The following MMP26 variants were observed in gnomAD, a reference collection of about 807,000 sequenced individuals.
The protein encoded by MMP26 is matrix metallopeptidase 26.
In MMP26, 33 loss-of-function variants were observed where a neutral mutation model predicts 31.0. The observed-to-expected ratio is 1.06, with a 90% CI of 0.81 to 1.42. MMP26 has a LOEUF of 1.42. Among genes scored for constraint, MMP26 ranks in the 40% most tolerant of loss-of-function variants. MMP26 has a pLI of 0.00. For missense variants in MMP26, 347 were observed against 316.1 expected, an observed-to-expected ratio of 1.10 and a Z score of -0.74; for synonymous variants, 122 against 114.9, an observed-to-expected ratio of 1.06 and a Z score of -0.40.
intron 2 of MMP26, among the ~76,000 whole-genome samples, chr11:4,803,124 C>T (rs1323918826): frequency 2.0e-5 from 3 of 152,008 alleles, no homozygotes; most frequent in Non-Finnish European, 2.9e-5. Context: ...ACTTTTTTAC[C>T]TTAATCATCT....
At chr11:4,918,888 T>C (rs1259557473) in intron 2 of MMP26, among the ~76,000 whole-genome samples, 3 of 152,200 alleles carry the variant, frequency 2.0e-5, no homozygotes, top group Non-Finnish European at 4.4e-5. Context: ...ATCTCCTTGT[T>C]TCTTGGAAAT....
intron 1 of MMP26, among the ~76,000 whole-genome samples, chr11:4,713,117 T>C (rs1446944655): frequency 6.6e-6 from 1 of 151,780 alleles, no homozygotes; most frequent in African/African-American, 2.4e-5. Context: ...ACCATTCAGG[T>C]TGATATTGAA....
intron 2 of MMP26, chr11:4,769,499 T>C (rs1027153520): frequency 1.2e-6 from 2 of 1,613,930 alleles, no homozygotes; most frequent in Non-Finnish European, 1.7e-6. Flanking sequence ...GATTCTGGAA[T>C]TAGTGAGAAT....
chr11:4,927,467 G>A (rs979863654), intron 2 of MMP26, among the ~76,000 whole-genome samples: 4 of 152,198 alleles, frequency 2.6e-5, no homozygotes, highest in Non-Finnish European at 2.9e-5. Context: ...AGAACCACAG[G>A]TCAATCTCAA....
In MMP26 at chr11:4,807,466, AG is replaced by A. The variant is rs1431896591; in HGVS notation, c.-145+40128del. ...AAAAGGATGAATTCATGTCCTTTGC[AG>A]GGACATGGATGAAGCTGGAAACCAT... is the stretch of plus-strand genomic sequence containing the variant. On this transcript the variant is annotated intron_variant, in intron 2 of 7. Coordinates refer to ENST00000380390, the MANE Select transcript of MMP26 (RefSeq NM_021801.5). 3.3e-5 allele frequency among the ~76,000 whole-genome samples: 5 copies of A among 152,350 alleles called. No individual in the cohort carries two copies. The South Asian group carries it at 1.0e-3, about 32-fold the overall frequency.
At chr11:4,963,256 C>T (rs7930600) in intron 2 of MMP26, among the ~76,000 whole-genome samples, 4,936 of 152,232 alleles carry the variant, frequency 0.032, 291 homozygotes, top group African/African-American at 0.11. Context: ...AATGGAAAAA[C>T]ACTCCATGCT....
At chr11:4,715,030 A>G (rs10836521) in intron 1 of MMP26, among the ~76,000 whole-genome samples, 19,036 of 152,038 alleles carry the variant, frequency 0.13, 1,608 homozygotes, top group Middle Eastern at 0.21. Flanking sequence ...ATTTTAGGCA[A>G]CACAGCATGT....
At chr11:4,882,003 G>A (rs774819211) in intron 2 of MMP26, 49 of 1,613,718 alleles carry the variant, frequency 3.0e-5, no homozygotes, top group Non-Finnish European at 3.8e-5. Flanking sequence ...CCAGTCTGCT[G>A]TCTCTACACC....
At position 4,946,860 on chromosome 11, in the gene MMP26, G is replaced by C. The variant is rs762282327; in HGVS notation, c.-144-41208G>C. 3 of 1,595,592 alleles carry C rather than the reference G, an allele frequency of 1.9e-6. No homozygotes were observed. Among genetic ancestry groups the C allele is most frequent in the Non-Finnish European group, 2.6e-6 (3 of 1,166,662 alleles). Reference sequence around the variant, plus strand: ...AACAGGAAGATGCTTAACACAGTGGGCAGAGATGATAAAGACAAACCCAAG... The same window carrying C: ...AACAGGAAGATGCTTAACACAGTGGCCAGAGATGATAAAGACAAACCCAAG... On this transcript the variant is annotated intron_variant, in intron 2 of 7. Transcript: ENST00000380390.
At chr11:4,975,115 GA>G (rs1846719749) in intron 2 of MMP26, among the ~76,000 whole-genome samples, 1 of 151,918 alleles carries the variant, frequency 6.6e-6, no homozygotes, top group African/African-American at 2.4e-5. Context: ...AACTTAAAAT[GA>G]AATAACATTT....
At chr11:4,870,322 AC>A in intron 2 of MMP26, among the ~76,000 whole-genome samples, 1 of 152,204 alleles carries the variant, frequency 6.6e-6, no homozygotes, top group East Asian at 1.9e-4. Context: ...TGTTTTTAAA[AC>A]ATGTTGTTTA....
chr11:4,712,270 A>G (rs562706610), intron 1 of MMP26: 77 of 152,304 alleles, frequency 5.1e-4, no homozygotes, highest in African/African-American at 1.6e-3. Flanking sequence ...AGGTGTTTAA[A>G]TCTGACTAAA....
chr11:4,906,935 C>A (rs1850899432), intron 2 of MMP26, among the ~76,000 whole-genome samples: 1 of 151,428 alleles, frequency 6.6e-6, no homozygotes, highest in Non-Finnish European at 1.5e-5. Flanking sequence ...ACTAAGAATA[C>A]AAAAATTAGC....
rs1042349555 is a variant in MMP26 at position 4,989,182 on chromosome 11, C to T, written c.100-466C>T. ...GTGGAGACAAGGAATAGGTAAACAA[C>T]GGGCTCTTTAAAAGTAACTTAATGA... On this transcript the variant is annotated intron_variant, in intron 3 of 7. Transcript: ENST00000380390. Among the ~76,000 whole-genome samples, 22 of 152,064 alleles carry T rather than the reference C, an allele frequency of 1.4e-4. 1 individual carries two copies. Among genetic ancestry groups the T allele is most frequent in the African/African-American group, 4.6e-4 (19 of 41,392 alleles).
rs1847002151 is a variant in MMP26, at chr11:4,991,483, A to C, written c.582A>C (p.Ser194=). The part of the protein sequence containing the change: ...VVHFDKNEHW[S]ASDTGYNLFL... ...ATTTTGACAAGAATGAACACTGGTCAGCTTCAGACACTGGTAAATGCCTTG... is the reference window on the plus strand; with the variant it reads ...ATTTTGACAAGAATGAACACTGGTCCGCTTCAGACACTGGTAAATGCCTTG... Residue 194 remains serine (S), a synonymous_variant, in exon 6 of 8, where the codon TCA becomes TCC. Transcript: ENST00000380390. 1 of 1,613,756 alleles carries C rather than the reference A, an allele frequency of 6.2e-7. No homozygotes were observed. The highest frequency in any genetic ancestry group is 2.2e-5 in the East Asian group (1 of 44,878).
intron 2 of MMP26, among the ~76,000 whole-genome samples, chr11:4,924,834 C>T (rs950512435): frequency 3.9e-5 from 6 of 152,150 alleles, no homozygotes; most frequent in African/African-American, 1.4e-4. Flanking sequence ...AACCAGAAGG[C>T]ATTCAGAGTG....
At chr11:4,892,415 A>G (rs1017249497) in intron 2 of MMP26, among the ~76,000 whole-genome samples, 6 of 152,116 alleles carry the variant, frequency 3.9e-5, no homozygotes, top group Admixed American at 3.3e-4. Flanking sequence ...TATCCCTACT[A>G]TAATTTGCAT....
intron 2 of MMP26, among the ~76,000 whole-genome samples, chr11:4,797,336 C>G (rs993756688): frequency 1.2e-4 from 19 of 152,168 alleles, no homozygotes; most frequent in African/African-American, 4.6e-4. Context: ...GTTGGTAACT[C>G]GAGCCACATC....
At chr11:4,915,449 G>A (rs202011248) in intron 2 of MMP26, 2 of 1,614,106 alleles carry the variant, frequency 1.2e-6, no homozygotes, top group African/African-American at 1.3e-5. Flanking sequence ...GTCAATCAGA[G>A]CCAGCATGGA....
Sources: allele counts gnomAD v4.1 joint callset (sites outside exome capture counted in the v4.1 genomes callset), GRCh38; gene constraint gnomAD v4.1.1; transcripts MANE v1.5; gene names NCBI Gene and HGNC (gene_info 2026-07-23, HGNC 2026-07-21).